Variants in KIAA1671 observed in about 807,000 individuals in gnomAD.
KIAA1671 encodes KIAA1671.
In KIAA1671, 52 loss-of-function variants were observed where a neutral mutation model predicts 131.2. The observed-to-expected ratio is 0.40, with a 90% confidence interval of 0.32 to 0.50. The LOEUF is 0.50. KIAA1671 is among the 20% of genes least tolerant of loss of function. KIAA1671 has a pLI of 0.73. For missense variants in KIAA1671, 2,360 were observed against 2,364.2 expected (o/e 1.00, Z 0.04); for synonymous variants, 1,003 against 961.6 (o/e 1.04, Z -0.80).
intron 10 of KIAA1671, among the ~76,000 whole-genome samples, 170 bp from the exon 11 acceptor site, chr22:25,184,806 GC>G (rs201638803): frequency 0.031 from 4,676 of 152,258 alleles, 105 homozygotes; most frequent in African/African-American, 0.063. Context: ...TGCTTGGAAT[GC>G]CAGACTGACA....
At position 25,095,761 on chromosome 22, in the gene KIAA1671, G is replaced by A. The variant is rs1343741738; in HGVS notation, c.4530+46397G>A. On this transcript the variant is annotated intron_variant, in intron 6 of 12. Transcript: ENST00000358431. ...GATTCATCCCCTTATGCCCAATCTC[G>A]CACAACCTCATCTTTGCTCCTTTTC... 3.3e-5 allele frequency among the ~76,000 whole-genome samples: 5 copies of A among 152,272 alleles called. No homozygotes were observed. In the South Asian group the frequency reaches 6.2e-4, roughly 19 times the overall value.
chr22:25,024,439 A>AC (rs1925827477), intron 1 of KIAA1671: 2 of 152,158 alleles, frequency 1.3e-5, no homozygotes, highest in African/African-American at 4.8e-5. Flanking sequence ...TCTTTGGGTG[A>AC]GGGTTGGTAG....
intron 6 of KIAA1671, chr22:25,110,128 A>T (rs1245514848): frequency 6.6e-6 from 1 of 152,344 alleles, no homozygotes; most frequent in African/African-American, 2.4e-5. Flanking sequence ...CCTGTATCCA[A>T]AAAAAGAAGA....
intron 6 of KIAA1671, among the ~76,000 whole-genome samples, chr22:25,124,652 A>C (rs565968013): frequency 6.6e-6 from 1 of 152,332 alleles, no homozygotes; most frequent in Admixed American, 6.5e-5. Context: ...GGAAGTGCAT[A>C]ATAAATGCCA....
At position 25,177,414 on chromosome 22, in the gene KIAA1671, C is replaced by A; in HGVS notation, c.4966C>A (p.Arg1656=). 1 of 1,551,782 alleles carries A rather than the reference C, an allele frequency of 6.4e-7. No homozygotes were observed. The highest frequency in any genetic ancestry group is 8.7e-7 in the Non-Finnish European group (1 of 1,147,012). ...RVQLSKRSRR[R]APISHSLRRS... ...GCAGCTCAGCAAGAGAAGCCGCCGC[C>A]GGGCCCCCATCTCCCACTCCCTCCG... is the stretch of plus-strand genomic sequence containing the variant. The change falls in exon 9 of 13, where the codon CGG becomes AGG. Residue 1656 remains arginine, a synonymous_variant. Transcript: ENST00000358431.
chr22:25,074,201 T>TA (rs758742898), intron 6 of KIAA1671, among the ~76,000 whole-genome samples: 10 of 150,174 alleles, frequency 6.7e-5, no homozygotes, highest in Non-Finnish European at 1.3e-4. Context: ...TATATATATA[T>TA]TATTGAATAT....
At position 24,952,740 on chromosome 22, in the gene KIAA1671, GGCGGC is replaced by G; in HGVS notation, c.-230_-226del. 6.5e-6 allele frequency: 1 copy of G among 154,860 alleles called. No individual in the cohort carries two copies. The highest frequency in any genetic ancestry group is 1.4e-5 in the Non-Finnish European group (1 of 69,836). The allele number at this position is 154,860 out of a possible 1,614,324, so 9.6% of individuals were successfully genotyped here. A position where few individuals can be genotyped will look rare whatever the true frequency, so the allele number is the denominator to read the frequency against. Reference sequence around the variant, plus strand: ...CAGGTGCCGCGGGCTGCGGGCAGGTGGCGGCGCGGCGCGGGCTGGCGGTGGCTCCA... The same window carrying G: ...CAGGTGCCGCGGGCTGCGGGCAGGTGGCGGCGCGGGCTGGCGGTGGCTCCA... On this transcript the variant is annotated 5_prime_UTR_variant, in exon 1 of 13. Coordinates refer to ENST00000358431, the MANE Select transcript of KIAA1671 (RefSeq NM_001145206.2). This position sits in a 1 kb window ranked among gnomAD's most constrained non-coding sequence, Gnocchi z 4.5.
chr22:25,015,391 CG>C (rs557947974), intron 1 of KIAA1671, among the ~76,000 whole-genome samples: 1 of 151,928 alleles, frequency 6.6e-6, no homozygotes, highest in Admixed American at 6.6e-5. Flanking sequence ...GAGAAAAACA[CG>C]GGGGGAAACA....
intron 6 of KIAA1671, among the ~76,000 whole-genome samples, chr22:25,100,456 C>G: frequency 6.6e-6 from 1 of 152,162 alleles, no homozygotes; most frequent in East Asian, 1.9e-4. Flanking sequence ...CTTCTGTACC[C>G]CATAATCCAG....
intron 6 of KIAA1671, among the ~76,000 whole-genome samples, chr22:25,105,543 T>A (rs1408650558): frequency 6.6e-6 from 1 of 152,164 alleles, no homozygotes; most frequent in African/African-American, 2.4e-5. Flanking sequence ...GCAGAAAAAG[T>A]CCTCTGGGGG....
chr22:25,185,479 C>T (rs1413726007), intron 11 of KIAA1671: 3 of 217,900 alleles, frequency 1.4e-5, no homozygotes, highest in Non-Finnish European at 2.7e-5. Flanking sequence ...GGGGAAGTAT[C>T]TTTATTATCA....
chr22:25,031,535 T>G (rs1926294106), intron 3 of KIAA1671, among the ~76,000 whole-genome samples: 1 of 151,932 alleles, frequency 6.6e-6, no homozygotes, highest in South Asian at 2.1e-4. Flanking sequence ...TTTCACCATG[T>G]TAGTCAGGCT....
chr22:25,000,204 T>TAAATG, intron 1 of KIAA1671, among the ~76,000 whole-genome samples: 2 of 81,036 alleles, frequency 2.5e-5, no homozygotes, highest in African/African-American at 9.8e-5. Flanking sequence ...TTTTTTTTTT[T>TAAATG]TTTTTTTGAG....
chr22:25,182,182 A>AAAAAAACC (rs1934307709), intron 10 of KIAA1671, among the ~76,000 whole-genome samples: 1 of 148,500 alleles, frequency 6.7e-6, no homozygotes, highest in Admixed American at 6.7e-5. Context: ...CCATCTCAAA[A>AAAAAAACC]AAAAAACAAA....
chr22:25,154,778 AAG>A (rs1244080704), intron 6 of KIAA1671, among the ~76,000 whole-genome samples: 4 of 152,212 alleles, frequency 2.6e-5, no homozygotes, highest in African/African-American at 9.7e-5. Context: ...ACTCCAGAGG[AAG>A]AGAGACTCCA....
chr22:25,191,435 C>T (rs1164843309), intron 12 of KIAA1671, among the ~76,000 whole-genome samples: 1 of 152,078 alleles, frequency 6.6e-6, no homozygotes, highest in African/African-American at 2.4e-5. Flanking sequence ...GGATTATAGG[C>T]GTGAGCCACT....
intron 1 of KIAA1671, among the ~76,000 whole-genome samples, chr22:25,020,729 G>C (rs1425435947): frequency 6.6e-6 from 1 of 152,228 alleles, no homozygotes; most frequent in Non-Finnish European, 1.5e-5. Context: ...GCTAGGCAGT[G>C]AGCTAAGGGC....
At position 24,990,539 on chromosome 22, in the gene KIAA1671, A is replaced by G. The variant is rs563080937; in HGVS notation, c.-207-35094A>G. On this transcript the variant is annotated intron_variant, in intron 1 of 12. Transcript: ENST00000358431. ...ATGCTCACACACATGTGCCTGCCCAATGTGCGCCCACGCCAGCAGCAGCCC... is the reference window on the plus strand; with the variant it reads ...ATGCTCACACACATGTGCCTGCCCAGTGTGCGCCCACGCCAGCAGCAGCCC... Among the ~76,000 whole-genome samples the G allele has an allele frequency of 5.3e-5, 8 of 152,310 alleles. No homozygotes were observed. In the East Asian group the frequency reaches 1.5e-3, roughly 29 times the overall value.
At chr22:25,044,279 C>T (rs1464208752) in intron 5 of KIAA1671, among the ~76,000 whole-genome samples, 2 of 152,214 alleles carry the variant, frequency 1.3e-5, no homozygotes, top group African/African-American at 2.4e-5. Flanking sequence ...TGAAATAAAG[C>T]ACCGAACTTG....
Sources: gnomAD v4.1 joint callset for allele counts (sites outside exome capture counted in the v4.1 genomes callset) on GRCh38, gnomAD v4.1.1 for gene constraint, Gnocchi (gnomAD v3.1) non-coding constraint, MANE v1.5 for transcripts, NCBI Gene and HGNC (gene_info 2026-07-23, HGNC 2026-07-21) for gene names.